The following SLFN12L variants were observed in gnomAD, a reference collection of about 807,000 sequenced individuals.
The protein encoded by SLFN12L is schlafen family member 12-like.
Under a neutral mutation model 34.8 loss-of-function variants are expected in SLFN12L, and 34 were observed. The observed-to-expected ratio is 0.98, with a 90% CI of 0.74 to 1.30. SLFN12L has a LOEUF of 1.30. SLFN12L is among the 50% of genes most tolerant of loss of function. SLFN12L has a pLI of 0.00. For synonymous variants in SLFN12L, 259 were observed against 247.5 expected (o/e 1.05, Z -0.44); for missense variants, 703 against 696.2 (o/e 1.01, Z -0.11).
intron 1 of SLFN12L, among the ~76,000 whole-genome samples, chr17:35,528,927 T>A (rs1438249750): frequency 1.3e-5 from 2 of 151,874 alleles, no homozygotes; most frequent in Admixed American, 6.6e-5. Flanking sequence ...TGGGAAAAAA[T>A]TTTTGCAATC....
At chr17:35,498,612 C>T in intron 2 of SLFN12L, 1 of 1,610,932 alleles carries the variant, frequency 6.2e-7, no homozygotes, top group Non-Finnish European at 8.5e-7. Flanking sequence ...GAAAGCTAGC[C>T]AGAAGGGCGT....
At chr17:35,498,731 C>T in intron 2 of SLFN12L, 1 of 1,415,556 alleles carries the variant, frequency 7.1e-7, no homozygotes, top group Non-Finnish European at 9.8e-7. Context: ...AAGACAGCTA[C>T]AACTACCTTA....
intron 2 of SLFN12L, chr17:35,490,456 G>A: frequency 1.9e-6 from 2 of 1,033,560 alleles, no homozygotes; most frequent in Non-Finnish European, 3.1e-6. Context: ...AGTGCTAAAA[G>A]TGCAAAATAG....
chr17:35,482,896 TG>T (rs778767764), intron 2 of SLFN12L, among the ~76,000 whole-genome samples: 6 of 152,034 alleles, frequency 3.9e-5, no homozygotes, highest in Non-Finnish European at 7.4e-5. Context: ...TGTGGACCAA[TG>T]GCACACACTT....
rs1032665163 is a variant in SLFN12L, at chr17:35,474,279, G to A, written c.*644C>T. On this transcript the variant is annotated 3_prime_UTR_variant, in exon 5 of 5. Transcript: ENST00000628453. ...TTTTCCATGTCCATTGGATAAGAAT[G>A]TCTGATATTTCCTTTATAGTCAAAT... The A allele has an allele frequency of 1.3e-5, 2 of 152,198 alleles. No homozygotes were observed. The highest frequency in any genetic ancestry group is 1.3e-4 in the Admixed American group (2 of 15,270). The allele number at this position is 152,198 out of a possible 1,614,324, so 9.4% of individuals were successfully genotyped here.
intron 2 of SLFN12L, chr17:35,490,684 G>C: frequency 8.8e-7 from 1 of 1,134,634 alleles, no homozygotes. Context: ...ACTATTAACC[G>C]AGGATTCAGA....
chr17:35,502,736 A>G (rs957433099), intron 2 of SLFN12L, among the ~76,000 whole-genome samples: 1 of 152,244 alleles, frequency 6.6e-6, no homozygotes. Flanking sequence ...TAACAGTGTA[A>G]CATGTATTAT....
chr17:35,537,067 A>G (rs1360543138), intron 1 of SLFN12L, among the ~76,000 whole-genome samples: 1 of 151,848 alleles, frequency 6.6e-6, no homozygotes, highest in Non-Finnish European at 1.5e-5. Context: ...TAGTCCCCGC[A>G]CTTTCAAAGG....
In SLFN12L at chr17:35,522,754, C is replaced by T. The variant is rs1916036666; in HGVS notation, c.-390G>A. 4.3e-6 allele frequency: 7 copies of T among 1,610,160 alleles called. No homozygotes were observed. The highest frequency in any genetic ancestry group is 2.7e-5 in the African/African-American group (2 of 74,866). On this transcript the variant is annotated 5_prime_UTR_variant, in exon 2 of 5. Coordinates refer to ENST00000628453, the MANE Select transcript of SLFN12L (RefSeq NM_001363830.2). ...GGCAGTGCAAGTGCAGTAGTCCTGG[C>T]CCTGCCAGGGCTGTTCTATGCTATC...
rs144386143 is a variant in SLFN12L, at chr17:35,483,914, C to T, written c.87-3719G>A. On this transcript the variant is annotated intron_variant, in intron 2 of 4. Transcript: ENST00000628453. ...CTATAAATTTCTGATCATGTGTAAA[C>T]AATAATAAAATTGAGGCCCCAGATC... Among the ~76,000 whole-genome samples the T allele has an allele frequency of 5.5e-4, 84 of 152,254 alleles. 3 individuals carry two copies. The East Asian group carries it at 0.016, about 28-fold the overall frequency.
chr17:35,530,457 A>G (rs1169095592), intron 1 of SLFN12L, among the ~76,000 whole-genome samples: 2 of 59,072 alleles, frequency 3.4e-5, no homozygotes, highest in Admixed American at 2.1e-4. Flanking sequence ...AGAAAGAAAG[A>G]AAGAAAGAAA....
intron 2 of SLFN12L, among the ~76,000 whole-genome samples, chr17:35,501,650 C>G (rs1915298116): frequency 6.6e-6 from 1 of 152,092 alleles, no homozygotes; most frequent in African/African-American, 2.4e-5. Context: ...GCCCACCACA[C>G]TAGGAAATAT....
intron 1 of SLFN12L, among the ~76,000 whole-genome samples, chr17:35,529,298 G>A (rs1334622141): frequency 1.3e-5 from 2 of 152,132 alleles, no homozygotes; most frequent in Non-Finnish European, 2.9e-5. Context: ...AATTCCTCAA[G>A]GATCTGGAAC....
chr17:35,524,410 C>T (rs1357003475), intron 1 of SLFN12L, among the ~76,000 whole-genome samples: 1 of 152,204 alleles, frequency 6.6e-6, no homozygotes, highest in East Asian at 1.9e-4. Flanking sequence ...GGTCCCTGGC[C>T]CATGTGTATC....
intron 2 of SLFN12L, among the ~76,000 whole-genome samples, chr17:35,513,852 A>G (rs1915730817): frequency 6.6e-6 from 1 of 152,264 alleles, no homozygotes; most frequent in African/African-American, 2.4e-5. Flanking sequence ...TGACAGAATC[A>G]TAATTTCAGT....
intron 2 of SLFN12L, 101 bp from the exon 3 acceptor site, chr17:35,480,296 T>A: frequency 1.1e-6 from 1 of 911,968 alleles, no homozygotes; most frequent in Non-Finnish European, 1.6e-6. Context: ...TATTTTCCAC[T>A]AGACTGGTAA....
chr17:35,496,316 C>G (rs1259650449), intron 2 of SLFN12L, among the ~76,000 whole-genome samples: 2 of 152,040 alleles, frequency 1.3e-5, no homozygotes, highest in African/African-American at 4.8e-5. Flanking sequence ...CCACTGCACT[C>G]CAACTTTGGC....
chr17:35,502,151 A>G (rs201317188), intron 2 of SLFN12L, among the ~76,000 whole-genome samples: 1 of 152,124 alleles, frequency 6.6e-6, no homozygotes, highest in African/African-American at 2.4e-5. Flanking sequence ...AAGCCAAGGT[A>G]AATTTAAAAC....
At chr17:35,509,602 C>T (rs1349324313) in intron 2 of SLFN12L, among the ~76,000 whole-genome samples, 1 of 151,960 alleles carries the variant, frequency 6.6e-6, no homozygotes, top group Non-Finnish European at 1.5e-5. Context: ...AATGTTTCTC[C>T]AGTGAAAATT....
Sources: allele counts gnomAD v4.1 joint callset (sites outside exome capture counted in the v4.1 genomes callset), GRCh38; gene constraint gnomAD v4.1.1; transcripts MANE v1.5; gene names NCBI Gene and HGNC (gene_info 2026-07-23, HGNC 2026-07-21).